NDRG4: variants seen among roughly 807,000 people sequenced by gnomAD.
NDRG4 encodes protein NDRG4.
A neutral mutation model predicts 55.8 loss-of-function variants in NDRG4; 38 were observed. The ratio of observed to expected loss-of-function variants is 0.68; its 90% CI spans 0.53 to 0.89. The LOEUF is 0.89. NDRG4 is among the 40% of genes least tolerant of loss of function. The pLI, the probability that NDRG4 is intolerant of heterozygous loss-of-function variation, is 0.00. For missense variants in NDRG4, 455 were observed against 468.6 expected (o/e 0.97, Z 0.27); for synonymous variants, 190 against 182.7 (o/e 1.04, Z -0.32).
chr16:58,509,734 G>A (rs900346981), intron 13 of NDRG4, among the ~76,000 whole-genome samples: 1 of 152,186 alleles, frequency 6.6e-6, no homozygotes, highest in Non-Finnish European at 1.5e-5. Context: ...CCAGGGCTTG[G>A]GGTCAGAGCT....
At chr16:58,510,175 G>A (rs1258792137) in intron 13 of NDRG4, among the ~76,000 whole-genome samples, 4 of 152,226 alleles carry the variant, frequency 2.6e-5, no homozygotes, top group African/African-American at 7.2e-5. Flanking sequence ...CTCTGGAGCA[G>A]GGCAGAGCCC....
intron 1 of NDRG4, among the ~76,000 whole-genome samples, chr16:58,478,363 T>A (rs2151616434): frequency 6.7e-6 from 1 of 149,326 alleles, no homozygotes; most frequent in South Asian, 2.2e-4. Flanking sequence ...CACTCCAGCC[T>A]GGGCGACAAT....
chr16:58,469,955 A>C (rs1325289593), intron 1 of NDRG4, among the ~76,000 whole-genome samples: 4 of 152,236 alleles, frequency 2.6e-5, no homozygotes, highest in African/African-American at 9.6e-5. Context: ...TCTTGACTCC[A>C]GAGTCCAACA....
intron 5 of NDRG4, 157 bp from the exon 6 acceptor site, chr16:58,506,230 G>A (rs1354328566): frequency 1.4e-6 from 1 of 739,156 alleles, no homozygotes; most frequent in Non-Finnish European, 2.4e-6. Flanking sequence ...GGTTCAGTGA[G>A]AGGAGGACAG....
intron 8 of NDRG4, 66 bp downstream of exon 8, chr16:58,507,081 C>G: frequency 7.9e-7 from 1 of 1,260,898 alleles, no homozygotes; most frequent in Non-Finnish European, 1.1e-6. Context: ...ACACTGCCCC[C>G]TGAGGGAGGC....
intron 1 of NDRG4, chr16:58,501,304 GCAAAGCCCGGCT>G (rs1207492490): frequency 7.9e-6 from 3 of 381,444 alleles, no homozygotes; most frequent in African/African-American, 4.3e-5. Context: ...CCACACCGGC[GCAAAGCCCGGCT>G]CAAAGCCCCA....
At chr16:58,502,479 G>C (rs1251148078) in intron 1 of NDRG4, among the ~76,000 whole-genome samples, 1 of 152,168 alleles carries the variant, frequency 6.6e-6, no homozygotes, top group Admixed American at 6.5e-5. Context: ...TGGCCACCAG[G>C]TTGGTGCCAG....
chr16:58,468,708 G>A (rs1205889747), intron 1 of NDRG4, among the ~76,000 whole-genome samples: 3 of 152,124 alleles, frequency 2.0e-5, no homozygotes, highest in African/African-American at 4.8e-5. Flanking sequence ...GCAACAGAGC[G>A]AGTCTCAAAA....
intron 1 of NDRG4, among the ~76,000 whole-genome samples, chr16:58,485,929 T>C (rs1254178331): frequency 1.3e-5 from 2 of 152,206 alleles, no homozygotes; most frequent in African/African-American, 4.8e-5. Flanking sequence ...TTCTTATAGA[T>C]AAATTATTTG....
intron 1 of NDRG4, among the ~76,000 whole-genome samples, chr16:58,480,787 TG>T (rs1350457293): frequency 6.6e-6 from 1 of 151,994 alleles, no homozygotes; most frequent in African/African-American, 2.4e-5. Flanking sequence ...CATGCATCAG[TG>T]GGTTAGCAAG....
At chr16:58,481,423 G>A (rs967435950) in intron 1 of NDRG4, among the ~76,000 whole-genome samples, 25 of 152,126 alleles carry the variant, frequency 1.6e-4, no homozygotes, top group African/African-American at 5.6e-4. Context: ...AAATATGGCT[G>A]CCTAAGACAG....
upstream of NDRG4, among the ~76,000 whole-genome samples, chr16:58,496,301 C>T (rs772011752): frequency 4.6e-5 from 7 of 152,038 alleles, no homozygotes; most frequent in East Asian, 1.9e-4. Context: ...CCCGGAGTTG[C>T]GGGGCCCAGG....
intron 1 of NDRG4, among the ~76,000 whole-genome samples, chr16:58,486,306 C>A (rs926489078): frequency 6.6e-6 from 1 of 152,112 alleles, no homozygotes; most frequent in Non-Finnish European, 1.5e-5. Context: ...GGACCACAGG[C>A]TCTCACCACC....
At chr16:58,503,615 C>T in intron 1 of NDRG4, 183 bp from the exon 2 acceptor site, 2 of 1,197,998 alleles carry the variant, frequency 1.7e-6, no homozygotes, top group East Asian at 2.5e-5. Flanking sequence ...ACTGAACAGC[C>T]CTGAGAAGGG....
intron 1 of NDRG4, among the ~76,000 whole-genome samples, chr16:58,485,898 T>C (rs1317334288): frequency 1.3e-5 from 2 of 152,228 alleles, no homozygotes; most frequent in Admixed American, 1.3e-4. Context: ...TTCTGTGTTA[T>C]AAATGGCACT....
At chr16:58,486,700 TACACACAC>T (rs56119933) in intron 1 of NDRG4, among the ~76,000 whole-genome samples, 24,248 of 127,942 alleles carry the variant, frequency 0.19, 2,541 homozygotes, top group Admixed American at 0.2. Context: ...CACTGGCTCC[TACACACAC>T]ACACACACAC....
intron 2 of NDRG4, 55 bp from the exon 3 acceptor site, chr16:58,504,099 T>G (rs2037526256): frequency 1.9e-6 from 3 of 1,607,910 alleles, no homozygotes; most frequent in Admixed American, 3.3e-5. Context: ...GGCCCGGCCT[T>G]CCTTCCAGTC....
At chr16:58,475,449 T>C (rs1412512367) in intron 1 of NDRG4, among the ~76,000 whole-genome samples, 2 of 152,224 alleles carry the variant, frequency 1.3e-5, no homozygotes, top group African/African-American at 4.8e-5. Context: ...TGTTTTTCTC[T>C]GGGAAAGCCC....
chr16:58,485,235 C>T (rs1219953584), intron 1 of NDRG4, among the ~76,000 whole-genome samples: 2 of 152,192 alleles, frequency 1.3e-5, no homozygotes, highest in Non-Finnish European at 2.9e-5. Flanking sequence ...GAAATGTCTG[C>T]TCTGGCGTCT....
Sources: gnomAD v4.1 joint callset for allele counts (sites outside exome capture counted in the v4.1 genomes callset) on GRCh38, gnomAD v4.1.1 for gene constraint, MANE v1.5 for transcripts, NCBI Gene and HGNC (gene_info 2026-07-23, HGNC 2026-07-21) for gene names.